Variants in GRIA4 observed in about 807,000 individuals in gnomAD.
GRIA4 encodes glutamate receptor 4.
GRIA4 carries 34 observed loss-of-function variants against 104.0 expected under a neutral mutation model. The observed-to-expected ratio is 0.33, with a 90% CI of 0.25 to 0.44. GRIA4 has a LOEUF of 0.44. Ranked by LOEUF, GRIA4 falls within the 20% of genes least tolerant of loss-of-function variation. The probability of loss-of-function intolerance (pLI) is 1.00; values close to 1 mark genes in which losing one functional copy is unlikely to be tolerated. For synonymous variants in GRIA4, 386 were observed against 381.9 expected (o/e 1.01, Z -0.13); for missense variants, 750 against 1,096.5 (o/e 0.68, Z 4.46).
At chr11:105,641,159 C>G (rs1445606492) in intron 3 of GRIA4, among the ~76,000 whole-genome samples, 1 of 151,974 alleles carries the variant, frequency 6.6e-6, no homozygotes, top group Non-Finnish European at 1.5e-5. Flanking sequence ...TTTTTTAGAT[C>G]TAGAATTTAT....
intron 3 of GRIA4, among the ~76,000 whole-genome samples, chr11:105,722,588 A>G (rs555134660): frequency 1.8e-4 from 28 of 152,220 alleles, no homozygotes; most frequent in African/African-American, 6.5e-4. Context: ...GTTTTTATCA[A>G]TAGTGAGCAA....
chr11:105,850,109 G>GA (rs1944749131), intron 4 of GRIA4, among the ~76,000 whole-genome samples: 1 of 151,522 alleles, frequency 6.6e-6, no homozygotes, highest in African/African-American at 2.4e-5. Flanking sequence ...GTACCATTGT[G>GA]AAAAAAAAGC....
chr11:105,655,654 G>A (rs547571822), intron 3 of GRIA4, among the ~76,000 whole-genome samples: 1 of 152,200 alleles, frequency 6.6e-6, no homozygotes, highest in South Asian at 2.1e-4. Flanking sequence ...CCCTGCAAGG[G>A]ACAGGAACTC....
At chr11:105,755,779 G>A in intron 4 of GRIA4, among the ~76,000 whole-genome samples, 1 of 152,166 alleles carries the variant, frequency 6.6e-6, no homozygotes, top group East Asian at 1.9e-4. Flanking sequence ...AAAATTTGGT[G>A]GAAGGGTAAA....
chr11:105,678,159 T>C (rs932992546), intron 3 of GRIA4, among the ~76,000 whole-genome samples: 7 of 152,100 alleles, frequency 4.6e-5, no homozygotes, highest in African/African-American at 1.2e-4. Flanking sequence ...TTGTACTATA[T>C]GTATTTCATA....
At chr11:105,973,967 TTAA>T (rs1191949225) in intron 15 of GRIA4, among the ~76,000 whole-genome samples, 10 of 152,146 alleles carry the variant, frequency 6.6e-5, no homozygotes, top group South Asian at 2.1e-4. Flanking sequence ...ATTTTCAAAC[TTAA>T]TAATAATAAG....
intron 3 of GRIA4, among the ~76,000 whole-genome samples, chr11:105,717,746 T>TA (rs1334631974): frequency 1.3e-5 from 2 of 151,954 alleles, no homozygotes; most frequent in African/African-American, 4.8e-5. Flanking sequence ...AGTTTTAGGG[T>TA]ACATGTGCAC....
intron 3 of GRIA4, among the ~76,000 whole-genome samples, chr11:105,691,541 G>A (rs1044129094): frequency 6.6e-6 from 1 of 152,078 alleles, no homozygotes; most frequent in African/African-American, 2.4e-5. Context: ...TTCCCCATCT[G>A]TAAAATAAGA....
At chr11:105,704,552 C>A (rs1201821408) in intron 3 of GRIA4, among the ~76,000 whole-genome samples, 1 of 151,688 alleles carries the variant, frequency 6.6e-6, no homozygotes, top group Non-Finnish European at 1.5e-5. Flanking sequence ...AAAATAGAGG[C>A]TTTTGAAAGG....
chr11:105,832,908 A>G (rs1944031036), intron 4 of GRIA4, among the ~76,000 whole-genome samples: 1 of 152,048 alleles, frequency 6.6e-6, no homozygotes, highest in Non-Finnish European at 1.5e-5. Context: ...GCCTTGAGTA[A>G]TGCTATTGAA....
At chr11:105,942,985 T>C (rs1948218878) in intron 14 of GRIA4, among the ~76,000 whole-genome samples, 1 of 152,160 alleles carries the variant, frequency 6.6e-6, no homozygotes, top group Non-Finnish European at 1.5e-5. Context: ...TTGACATCTC[T>C]ATTTCCTTCC....
intron 3 of GRIA4, among the ~76,000 whole-genome samples, chr11:105,663,507 G>C (rs1952074988): frequency 6.6e-6 from 1 of 151,908 alleles, no homozygotes; most frequent in Non-Finnish European, 1.5e-5. Context: ...TGCAATAGAA[G>C]TATTTCCAGC....
chr11:105,666,140 C>A (rs1168047122), intron 3 of GRIA4, among the ~76,000 whole-genome samples: 1 of 151,916 alleles, frequency 6.6e-6, no homozygotes, highest in Non-Finnish European at 1.5e-5. Context: ...TAACTTTAAA[C>A]CATGGCCTCT....
chr11:105,896,020 G>A (rs1403045438), intron 6 of GRIA4, among the ~76,000 whole-genome samples: 3 of 152,092 alleles, frequency 2.0e-5, no homozygotes, highest in African/African-American at 7.2e-5. Context: ...ATAGGGGTTG[G>A]ACTAATTCAC....
intron 3 of GRIA4, among the ~76,000 whole-genome samples, chr11:105,724,167 A>C (rs1164998635): frequency 6.6e-6 from 1 of 152,116 alleles, no homozygotes; most frequent in Non-Finnish European, 1.5e-5. Context: ...CTGGATATTT[A>C]CCCAATAAAC....
chr11:105,896,285 T>C (rs1443064037), intron 6 of GRIA4, among the ~76,000 whole-genome samples: 1 of 152,162 alleles, frequency 6.6e-6, no homozygotes, highest in Non-Finnish European at 1.5e-5. Context: ...ATTTGGTTTT[T>C]ATTTGTTGAT....
Position 105,734,124 on chromosome 11 carries a change from A to T in GRIA4, c.248-18857A>T, listed in dbSNP as rs1938786008. On this transcript the variant is annotated intron_variant, in intron 3 of 16. Coordinates refer to ENST00000282499, the MANE Select transcript of GRIA4 (RefSeq NM_000829.4). ...AATATCTTGCCCATGGCCTTTAGAC[A>T]CTGACAGATCTACTCAATTGGCATT... Among the ~76,000 whole-genome samples the T allele has an allele frequency of 2.0e-5, 3 of 149,818 alleles. No individual in the cohort carries two copies. In the South Asian group the frequency reaches 6.3e-4, roughly 31 times the overall value.
chr11:105,829,510 G>A (rs1353646688), intron 4 of GRIA4, among the ~76,000 whole-genome samples: 5 of 151,928 alleles, frequency 3.3e-5, no homozygotes, highest in South Asian at 2.1e-4. Flanking sequence ...AACAGCCATC[G>A]CAATTGTGTT....
intron 3 of GRIA4, among the ~76,000 whole-genome samples, chr11:105,737,127 G>T (rs983023240): frequency 2.4e-4 from 36 of 152,026 alleles, no homozygotes; most frequent in Non-Finnish European, 5.1e-4. Flanking sequence ...GAAATCGCTG[G>T]AAATGGTCTG....
Sources: allele counts gnomAD v4.1 joint callset (sites outside exome capture counted in the v4.1 genomes callset), GRCh38; gene constraint gnomAD v4.1.1; transcripts MANE v1.5; gene names NCBI Gene and HGNC (gene_info 2026-07-23, HGNC 2026-07-21).